The following C8orf34 variants were observed in gnomAD, a reference collection of about 807,000 sequenced individuals.
The protein encoded by C8orf34 is uncharacterized protein C8orf34.
C8orf34 carries 65 observed loss-of-function variants against 68.3 expected under a neutral mutation model. The observed-to-expected ratio is 0.95, with a 90% confidence interval of 0.78 to 1.17. C8orf34 has a LOEUF of 1.17. Among genes scored for constraint, C8orf34 ranks in the 50% most tolerant of loss-of-function variants. C8orf34 has a pLI of 0.00. For missense variants in C8orf34, 664 were observed against 655.4 expected (o/e 1.01, Z -0.14); for synonymous variants, 244 against 241.2 (o/e 1.01, Z -0.11).
intron 12 of C8orf34, among the ~76,000 whole-genome samples, chr8:68,802,917 T>G (rs1444692209): frequency 2.6e-5 from 4 of 152,166 alleles, no homozygotes; most frequent in African/African-American, 9.7e-5. Flanking sequence ...AATTCAAATG[T>G]AACACAGAAC....
At chr8:68,386,566 T>G (rs1445933011) in intron 1 of C8orf34, among the ~76,000 whole-genome samples, 2 of 152,184 alleles carry the variant, frequency 1.3e-5, no homozygotes, top group Non-Finnish European at 2.9e-5. Context: ...GGGTTGTCTT[T>G]TCTTCTATAA....
rs900729687 is a variant in C8orf34, at chr8:68,720,693, C to A, written c.1328-668C>A. Among the ~76,000 whole-genome samples, 6 of 151,792 alleles carry A rather than the reference C, an allele frequency of 4.0e-5. No homozygotes were observed. The South Asian group carries it at 1.0e-3, about 26-fold the overall frequency. On this transcript the variant is annotated intron_variant, in intron 9 of 13. Coordinates refer to ENST00000518698, the MANE Select transcript of C8orf34 (RefSeq NM_052958.4). ...TTTCTAGTTGCTCCATTTACCTATC[C>A]CTATCACAGAATTCTTTATAACCCA...
intron 8 of C8orf34, among the ~76,000 whole-genome samples, chr8:68,671,777 A>T (rs572271968): frequency 1.3e-5 from 2 of 152,330 alleles, no homozygotes; most frequent in South Asian, 4.1e-4. Context: ...TTCTTATTAA[A>T]TTAACACTAA....
At chr8:68,682,634 C>T (rs898422034) in intron 8 of C8orf34, among the ~76,000 whole-genome samples, 10 of 152,222 alleles carry the variant, frequency 6.6e-5, no homozygotes, top group Non-Finnish European at 7.4e-5. Flanking sequence ...TGACCTCTTA[C>T]GATCTTATTT....
rs115526652 is a variant in C8orf34 at position 68,706,657 on chromosome 8, T to A, written c.1242-2337T>A. On this transcript the variant is annotated intron_variant, in intron 8 of 13. Transcript: ENST00000518698. Reference sequence around the variant, plus strand: ...TTGTCTGTCCTTGGGTTAAGGAAGGTGAAGTGGAAGGGAAGATCTCCAAAT... The same window carrying A: ...TTGTCTGTCCTTGGGTTAAGGAAGGAGAAGTGGAAGGGAAGATCTCCAAAT... 6.8e-3 allele frequency among the ~76,000 whole-genome samples: 1,028 copies of A among 152,168 alleles called. 17 individuals are homozygous for A. Among genetic ancestry groups the A allele is most frequent in the African/African-American group, 0.024 (977 of 41,508 alleles).
intron 8 of C8orf34, among the ~76,000 whole-genome samples, chr8:68,707,049 T>TA (rs1239305494): frequency 6.6e-6 from 1 of 152,034 alleles, no homozygotes; most frequent in African/African-American, 2.4e-5. Flanking sequence ...GGAGTAGGAG[T>TA]AAAACTCTTA....
chr8:68,547,156 A>G (rs938005343), intron 7 of C8orf34, among the ~76,000 whole-genome samples: 6 of 151,832 alleles, frequency 4.0e-5, no homozygotes, highest in African/African-American at 1.4e-4. Context: ...AGAAAAAAGT[A>G]GAGAACCACA....
intron 5 of C8orf34, among the ~76,000 whole-genome samples, chr8:68,506,673 T>C (rs1406152423): frequency 1.3e-5 from 2 of 152,252 alleles, no homozygotes; most frequent in Non-Finnish European, 2.9e-5. Flanking sequence ...TCATCACTTT[T>C]TAAATAGTGC....
At chr8:68,527,608 A>G (rs1389165488) in intron 6 of C8orf34, among the ~76,000 whole-genome samples, 1 of 152,130 alleles carries the variant, frequency 6.6e-6, no homozygotes, top group East Asian at 1.9e-4. Flanking sequence ...GAGGAAACTA[A>G]GTCCCAGAGT....
chr8:68,648,305 C>T (rs1329846714), intron 8 of C8orf34, among the ~76,000 whole-genome samples: 3 of 152,148 alleles, frequency 2.0e-5, no homozygotes, highest in African/African-American at 4.8e-5. Flanking sequence ...TCAAAATTTT[C>T]CTGGCTTAAC....
intron 7 of C8orf34, among the ~76,000 whole-genome samples, chr8:68,598,995 A>G (rs1268062447): frequency 6.6e-6 from 1 of 152,056 alleles, no homozygotes; most frequent in Non-Finnish European, 1.5e-5. Flanking sequence ...GAAAATGACA[A>G]TATGGTGAGA....
chr8:68,748,065 C>T (rs1165852876), intron 10 of C8orf34, among the ~76,000 whole-genome samples: 1 of 149,306 alleles, frequency 6.7e-6, no homozygotes, highest in Non-Finnish European at 1.5e-5. Context: ...ACAACAGAGC[C>T]CTCAGAAATA....
At chr8:68,764,745 T>C (rs1823120929) in intron 10 of C8orf34, among the ~76,000 whole-genome samples, 1 of 152,160 alleles carries the variant, frequency 6.6e-6, no homozygotes, top group African/African-American at 2.4e-5. Context: ...GGGAGCTTCC[T>C]GAGATGGAGA....
At chr8:68,543,676 C>G (rs1815774744) in intron 7 of C8orf34, among the ~76,000 whole-genome samples, 1 of 152,110 alleles carries the variant, frequency 6.6e-6, no homozygotes, top group Admixed American at 6.6e-5. Flanking sequence ...ACTAACTATG[C>G]AACACGTAAA....
In C8orf34 at chr8:68,468,817, C is replaced by G; in HGVS notation, c.733C>G (p.Arg245Gly). ...KLGKALENLS[R>G]SIAISDELDK... The stretch of plus-strand genomic sequence containing the variant: ...GGGGAAAGCCCTTGAGAATCTCTCT[C>G]GAAGTAAGTTCATTTACTTGATTAT... The change falls in exon 4 of 14, where the codon CGA becomes GGA. Residue 245 changes from arginine (R) to glycine (G), a missense_variant. Physicochemically the swap from Arg to Gly is moderately radical, Grantham distance 125. Transcript: ENST00000518698. 6.2e-7 allele frequency: 1 copy of G among 1,608,524 alleles called. No individual in the cohort carries two copies. Among genetic ancestry groups the G allele is most frequent in the Non-Finnish European group, 8.5e-7 (1 of 1,177,908 alleles).
At chr8:68,424,561 CA>C (rs1482801180) in intron 1 of C8orf34, among the ~76,000 whole-genome samples, 1 of 151,994 alleles carries the variant, frequency 6.6e-6, no homozygotes, top group Non-Finnish European at 1.5e-5. Context: ...AGTGGTTAAA[CA>C]ATCAATTACA....
At chr8:68,612,449 C>T (rs1371072533) in intron 7 of C8orf34, among the ~76,000 whole-genome samples, 1 of 152,112 alleles carries the variant, frequency 6.6e-6, no homozygotes, top group Non-Finnish European at 1.5e-5. Flanking sequence ...ATCACCTTTC[C>T]AGTATTCTGA....
chr8:68,504,892 T>A (rs1046440672), intron 5 of C8orf34, among the ~76,000 whole-genome samples: 1 of 152,028 alleles, frequency 6.6e-6, no homozygotes, highest in East Asian at 1.9e-4. Context: ...CTGGCCAGGC[T>A]GGTCTCAAAC....
At chr8:68,513,903 G>A (rs1814391812) in intron 5 of C8orf34, among the ~76,000 whole-genome samples, 1 of 152,034 alleles carries the variant, frequency 6.6e-6, no homozygotes, top group South Asian at 2.1e-4. Flanking sequence ...GTGATGAGGG[G>A]TGGGGGTATG....
Sources: gnomAD v4.1 joint callset for allele counts (sites outside exome capture counted in the v4.1 genomes callset) on GRCh38, gnomAD v4.1.1 for gene constraint, MANE v1.5 for transcripts, NCBI Gene and HGNC (gene_info 2026-07-23, HGNC 2026-07-21) for gene names.